Variants in TRIP4 observed in about 807,000 individuals in gnomAD.
TRIP4 encodes thyroid hormone receptor interactor 4.
In TRIP4, 54 loss-of-function variants were observed where a neutral mutation model predicts 81.8. The ratio of observed to expected loss-of-function variants is 0.66; its 90% CI spans 0.53 to 0.83. The LOEUF is 0.83. Among genes scored for constraint, TRIP4 ranks in the 40% least tolerant of loss-of-function variants. The pLI is 0.00. For missense variants in TRIP4, 662 were observed against 683.6 expected (o/e 0.97, Z 0.35); for synonymous variants, 270 against 242.8 (o/e 1.11, Z -1.04).
chr15:64,391,970 C>CAAAA (rs35193532), intron 1 of TRIP4, among the ~76,000 whole-genome samples: 6 of 23,246 alleles, frequency 2.6e-4, no homozygotes, highest in Non-Finnish European at 3.1e-4. Flanking sequence ...GACTCTGTCT[C>CAAAA]AAAAAAAAAA....
intron 1 of TRIP4, among the ~76,000 whole-genome samples, chr15:64,388,599 G>A (rs756729555): frequency 1.2e-4 from 19 of 152,104 alleles, no homozygotes; most frequent in African/African-American, 4.1e-4. Flanking sequence ...ATGAGCCACC[G>A]CACCCAGATA....
chr15:64,427,759 T>C (rs896471238), intron 11 of TRIP4, among the ~76,000 whole-genome samples: 1 of 152,214 alleles, frequency 6.6e-6, no homozygotes, highest in Non-Finnish European at 1.5e-5. Context: ...CTGCCTCCTC[T>C]GATTATGTGT....
intron 11 of TRIP4, among the ~76,000 whole-genome samples, chr15:64,432,111 T>C (rs1892292024): frequency 6.6e-6 from 1 of 151,130 alleles, no homozygotes; most frequent in Non-Finnish European, 1.5e-5. Context: ...AGTCTTGAAC[T>C]CTTGACCTCG....
chr15:64,453,190 T>G (rs980071813), intron 12 of TRIP4, among the ~76,000 whole-genome samples: 1 of 152,018 alleles, frequency 6.6e-6, no homozygotes, highest in Non-Finnish European at 1.5e-5. Flanking sequence ...ATAAATAAAG[T>G]CTTTCAACTT....
chr15:64,414,790 A>G (rs962958020), intron 8 of TRIP4, among the ~76,000 whole-genome samples: 2 of 152,006 alleles, frequency 1.3e-5, no homozygotes, highest in South Asian at 2.1e-4. Flanking sequence ...GTGCCCAGCT[A>G]TCAATGGGTT....
intron 5 of TRIP4, among the ~76,000 whole-genome samples, chr15:64,401,923 A>G (rs2140286554): frequency 6.6e-6 from 1 of 152,354 alleles, no homozygotes; most frequent in Middle Eastern, 3.4e-3. Flanking sequence ...GATTGAAGAA[A>G]CGTCACAGAT....
intron 8 of TRIP4, among the ~76,000 whole-genome samples, 183 bp from the exon 9 acceptor site, chr15:64,418,358 C>T (rs966180936): frequency 1.3e-5 from 2 of 152,188 alleles, no homozygotes; most frequent in East Asian, 1.9e-4. Flanking sequence ...GTGATCCACC[C>T]GCCTTGGCCT....
In TRIP4 at chr15:64,408,190, G is replaced by A. The variant is rs184114288; in HGVS notation, c.828-1423G>A. Among the ~76,000 whole-genome samples the A allele has an allele frequency of 2.3e-3, 317 of 138,368 alleles. 2 individuals carry two copies. The highest frequency in any genetic ancestry group is 8.1e-3 in the African/African-American group (306 of 37,776). 90.8% of individuals were successfully genotyped at this position (138,368 alleles called of 152,430 possible). ...TTTTTTTTTTTGATCCGCCAGCCTC[G>A]GCCTCCCAAAGTGCTGGAATTACAG... On this transcript the variant is annotated intron_variant, in intron 6 of 12. Transcript: ENST00000261884.
chr15:64,408,359 C>G (rs8027197), intron 6 of TRIP4, among the ~76,000 whole-genome samples: 110,687 of 149,578 alleles, frequency 0.74, 44,587 homozygotes, highest in East Asian at 0.96. Flanking sequence ...CCTGGACTCA[C>G]GCCATTCTCC....
intron 6 of TRIP4, among the ~76,000 whole-genome samples, chr15:64,407,592 A>G (rs933844137): frequency 5.3e-5 from 8 of 152,036 alleles, no homozygotes; most frequent in African/African-American, 1.4e-4. Flanking sequence ...GCATGAACCC[A>G]GGAGGCGGAG....
intron 11 of TRIP4, 25 bp downstream of exon 11, chr15:64,425,656 T>G (rs893746582): frequency 1.3e-6 from 2 of 1,582,816 alleles, no homozygotes; most frequent in South Asian, 1.1e-5. Flanking sequence ...CTTTTTTTTT[T>G]TAGAGACAGG....
At chr15:64,405,236 G>A (rs372828333) in intron 5 of TRIP4, among the ~76,000 whole-genome samples, 56 of 150,658 alleles carry the variant, frequency 3.7e-4, no homozygotes, top group African/African-American at 1.3e-3. Flanking sequence ...CTCACTGTAA[G>A]CTCAGCGTCC....
At chr15:64,436,460 C>T (rs547299411) in intron 11 of TRIP4, among the ~76,000 whole-genome samples, 203 of 151,508 alleles carry the variant, frequency 1.3e-3, no homozygotes, top group Non-Finnish European at 2.5e-3. Context: ...GGCATGGTGG[C>T]GGGCGCCTGT....
In TRIP4 at chr15:64,395,454, A is replaced by AG; in HGVS notation, c.329dup (p.Asn111LysfsTer10). 3 of 1,613,946 alleles carry AG rather than the reference A, an allele frequency of 1.9e-6. No individual in the cohort carries two copies. Among genetic ancestry groups the AG allele is most frequent in the Non-Finnish European group, 1.7e-6 (2 of 1,179,950 alleles). ...TCTAAAGCGGGGTAGGAAGAAAGGGAGAAACAGACAGGAAGTTCCTGCATT... is the reference window on the plus strand; with the variant it reads ...TCTAAAGCGGGGTAGGAAGAAAGGGAGGAAACAGACAGGAAGTTCCTGCATT... On this transcript the variant is annotated frameshift_variant, in exon 3 of 13. Coordinates refer to ENST00000261884, the MANE Select transcript of TRIP4 (RefSeq NM_016213.5). LOFTEE classifies it high-confidence loss of function.
intron 11 of TRIP4, among the ~76,000 whole-genome samples, chr15:64,436,455 G>A (rs1892401596): frequency 6.6e-6 from 1 of 151,738 alleles, no homozygotes; most frequent in Non-Finnish European, 1.5e-5. Context: ...AGTTGGGCAT[G>A]GTGGCGGGCG....
At chr15:64,423,984 G>C in intron 9 of TRIP4, 47 bp from the exon 10 acceptor site, 1 of 1,609,548 alleles carries the variant, frequency 6.2e-7, no homozygotes, top group East Asian at 2.2e-5. Flanking sequence ...GGATATTCCA[G>C]GAAACTAGAA....
intron 11 of TRIP4, among the ~76,000 whole-genome samples, chr15:64,435,868 T>G (rs1259873505): frequency 7.3e-6 from 1 of 137,554 alleles, no homozygotes; most frequent in African/African-American, 2.7e-5. Flanking sequence ...AAGCAATGCT[T>G]CCTGGAATAC....
intron 9 of TRIP4, among the ~76,000 whole-genome samples, chr15:64,421,222 C>T (rs780949271): frequency 6.7e-6 from 1 of 149,232 alleles, no homozygotes; most frequent in South Asian, 2.2e-4. Context: ...GTGGAGGTTG[C>T]AGTGAGCCAA....
intron 7 of TRIP4, among the ~76,000 whole-genome samples, chr15:64,412,418 AT>A (rs1891785752): frequency 6.6e-6 from 1 of 152,142 alleles, no homozygotes; most frequent in Non-Finnish European, 1.5e-5. Context: ...TTGAACCTAC[AT>A]GATACAACAT....
Sources: gnomAD v4.1 joint callset for allele counts (sites outside exome capture counted in the v4.1 genomes callset) on GRCh38, gnomAD v4.1.1 for gene constraint, MANE v1.5 for transcripts, NCBI Gene and HGNC (gene_info 2026-07-23, HGNC 2026-07-21) for gene names.